Variants in VAV3 observed in about 807,000 individuals in gnomAD.
VAV3 encodes guanine nucleotide exchange factor VAV3.
A neutral mutation model predicts 131.2 loss-of-function variants in VAV3; 94 were observed. That is an observed-to-expected ratio of 0.72 (90% confidence interval 0.61 to 0.85). The LOEUF (loss-of-function observed/expected upper bound fraction) is 0.85. VAV3 is among the 40% of genes least tolerant of loss of function. VAV3 has a pLI of 0.00. For synonymous variants in VAV3, 349 were observed against 342.0 expected, an observed-to-expected ratio of 1.02 and a Z score of -0.22; for missense variants, 939 against 1,002.7, an observed-to-expected ratio of 0.94 and a Z score of 0.86.
intron 1 of VAV3, among the ~76,000 whole-genome samples, chr1:107,878,885 T>C (rs1463503715): frequency 1.3e-5 from 2 of 152,196 alleles, no homozygotes; most frequent in African/African-American, 4.8e-5. Context: ...CTTTAATTAT[T>C]CCATATGAGA....
intron 9 of VAV3, among the ~76,000 whole-genome samples, chr1:107,761,988 C>T (rs1664463407): frequency 6.6e-6 from 1 of 151,880 alleles, no homozygotes; most frequent in Admixed American, 6.6e-5. Context: ...ATAATTATGA[C>T]TTTGAGTAAA....
At chr1:107,706,662 G>A (rs1314928071) in intron 15 of VAV3, among the ~76,000 whole-genome samples, 1 of 152,116 alleles carries the variant, frequency 6.6e-6, no homozygotes, top group African/African-American at 2.4e-5. Flanking sequence ...TGATTCTTGA[G>A]TCCATAAAGC....
rs547592313 is a variant in VAV3, at chr1:107,697,495, A to G, written c.1705+7055T>C. ...AGAGAGTATGTTACAAACTCCAAAAAGCAAATTTAGCCAGAGGTTTTAAAA... is the reference window on the plus strand; with the variant it reads ...AGAGAGTATGTTACAAACTCCAAAAGGCAAATTTAGCCAGAGGTTTTAAAA... On this transcript the variant is annotated intron_variant, in intron 17 of 26. Coordinates refer to ENST00000370056, the MANE Select transcript of VAV3 (RefSeq NM_006113.5). Among the ~76,000 whole-genome samples, 5 of 152,310 alleles carry G rather than the reference A, an allele frequency of 3.3e-5. No individual in the cohort carries two copies. In the East Asian group the frequency reaches 7.7e-4, roughly 24 times the overall value.
At chr1:107,720,384 AAAATAAATAAATAAATAAAT>A (rs35673194) in intron 15 of VAV3, among the ~76,000 whole-genome samples, 1 of 102,524 alleles carries the variant, frequency 9.8e-6, no homozygotes, top group Non-Finnish European at 1.9e-5. Context: ...CACTGTCTCA[AAAATAAATAAATAAATAAAT>A]AAATAAATAA....
intron 25 of VAV3, among the ~76,000 whole-genome samples, chr1:107,577,056 C>T (rs1023690458): frequency 2.6e-5 from 4 of 152,166 alleles, no homozygotes; most frequent in African/African-American, 9.7e-5. Flanking sequence ...TAGAGATGTA[C>T]AGAAAAGTTA....
intron 1 of VAV3, among the ~76,000 whole-genome samples, chr1:107,918,713 T>A (rs1334726311): frequency 4.7e-5 from 7 of 147,886 alleles, no homozygotes; most frequent in African/African-American, 1.7e-4. Context: ...ATATTTTTTT[T>A]TTTTTTTGAG....
At chr1:107,945,761 G>A (rs1177253928) in intron 1 of VAV3, among the ~76,000 whole-genome samples, 4 of 149,516 alleles carry the variant, frequency 2.7e-5, no homozygotes, top group South Asian at 2.1e-4. Context: ...GGCAGAGGTT[G>A]CAGTGAATCG....
At chr1:107,718,276 CACAGATGACATGATTATATATTTAG>C (rs1186389203) in intron 15 of VAV3, among the ~76,000 whole-genome samples, 1 of 152,192 alleles carries the variant, frequency 6.6e-6, no homozygotes, top group Admixed American at 6.5e-5. Context: ...TGTCCCTGTT[CACAGATGACATGATTATATATTTAG>C]AAAACCCCAT....
chr1:107,709,675 C>A (rs1660659889), intron 15 of VAV3, among the ~76,000 whole-genome samples: 2 of 152,114 alleles, frequency 1.3e-5, no homozygotes, highest in Non-Finnish European at 2.9e-5. Context: ...ATGGTTTCCC[C>A]CATCCTGTTC....
At chr1:107,589,031 C>A (rs988216877) in intron 25 of VAV3, among the ~76,000 whole-genome samples, 15 of 152,120 alleles carry the variant, frequency 9.9e-5, no homozygotes, top group African/African-American at 3.4e-4. Flanking sequence ...TAGTGTTTTT[C>A]TTGTATAAAT....
chr1:107,759,031 T>TC (rs1664271676), intron 10 of VAV3, among the ~76,000 whole-genome samples: 1 of 152,170 alleles, frequency 6.6e-6, no homozygotes, highest in Non-Finnish European at 1.5e-5. Context: ...GTCCCCAGCT[T>TC]CCCTATACAT....
chr1:107,938,814 T>C (rs1673847335), intron 1 of VAV3, among the ~76,000 whole-genome samples: 1 of 152,240 alleles, frequency 6.6e-6, no homozygotes, highest in African/African-American at 2.4e-5. Context: ...AAGATTTATC[T>C]GCACATATGG....
intron 19 of VAV3, chr1:107,669,552 A>T (rs974455930): frequency 1.4e-4 from 170 of 1,222,612 alleles, no homozygotes; most frequent in Non-Finnish European, 1.7e-4. Context: ...TATCTTTGAT[A>T]CTCGGTAGCT....
intron 20 of VAV3, among the ~76,000 whole-genome samples, chr1:107,629,239 T>C (rs1654260021): frequency 1.3e-5 from 2 of 152,232 alleles, no homozygotes; most frequent in African/African-American, 4.8e-5. Flanking sequence ...ATGCATTCTA[T>C]TGTAATAGAA....
intron 17 of VAV3, among the ~76,000 whole-genome samples, chr1:107,697,473 G>C (rs1659818200): frequency 6.6e-6 from 1 of 152,100 alleles, no homozygotes; most frequent in African/African-American, 2.4e-5. Flanking sequence ...AAGAGCAAGA[G>C]AGTATGTTAC....
intron 10 of VAV3, among the ~76,000 whole-genome samples, chr1:107,758,057 C>T (rs887383362): frequency 5.9e-5 from 9 of 151,730 alleles, no homozygotes; most frequent in Middle Eastern, 3.4e-3. Context: ...CAAACTTAAT[C>T]AATCTTCACC....
intron 17 of VAV3, among the ~76,000 whole-genome samples, chr1:107,703,247 G>A (rs1660243359): frequency 1.3e-5 from 2 of 152,096 alleles, no homozygotes; most frequent in African/African-American, 4.8e-5. Context: ...CTATTGGGGT[G>A]GCAATTAAAG....
chr1:107,610,064 C>T, intron 21 of VAV3, 99 bp from the exon 22 acceptor site: 1 of 1,062,894 alleles, frequency 9.4e-7, no homozygotes, highest in Non-Finnish European at 1.5e-6. Context: ...CTATAAAACC[C>T]TAAGTGGCAC....
chr1:107,739,693 G>A (rs1044684004), intron 15 of VAV3, among the ~76,000 whole-genome samples: 1 of 152,208 alleles, frequency 6.6e-6, no homozygotes, highest in Non-Finnish European at 1.5e-5. Flanking sequence ...TATACAGACA[G>A]TTTATAGACA....
Sources: allele counts gnomAD v4.1 joint callset (sites outside exome capture counted in the v4.1 genomes callset), GRCh38; gene constraint gnomAD v4.1.1; transcripts MANE v1.5; gene names NCBI Gene and HGNC (gene_info 2026-07-23, HGNC 2026-07-21).